The following HARBI1 variants were observed in gnomAD, a reference collection of about 807,000 sequenced individuals.
HARBI1 encodes harbinger transposase derived 1, also known as putative nuclease HARBI1.
HARBI1 carries 15 observed loss-of-function variants against 25.3 expected under a neutral mutation model. The observed-to-expected ratio is 0.59, with a 90% CI of 0.40 to 0.91. HARBI1 has a LOEUF of 0.91. Among genes scored for constraint, HARBI1 ranks in the 40% least tolerant of loss-of-function variants. HARBI1 has a pLI of 0.00. For missense variants in HARBI1, 396 were observed against 445.8 expected, an observed-to-expected ratio of 0.89 and a Z score of 1.01; for synonymous variants, 168 against 160.5, an observed-to-expected ratio of 1.05 and a Z score of -0.35.
chr11:46,603,898 AG>A lies in HARBI1; in HGVS notation c.681del (p.Phe228SerfsTer8). ...HKDSWLLGDS[S>X]FFLRTWLMTP... ...GTCATGAGCCAGGTTCGAAGAAAGAAGGAACTGTCACCTGTGGGGAAGGCCC... is the reference window on the plus strand; with the variant it reads ...GTCATGAGCCAGGTTCGAAGAAAGAAGAACTGTCACCTGTGGGGAAGGCCC... On this transcript the variant is annotated frameshift_variant, in exon 3 of 3. Transcript: ENST00000326737. LOFTEE classifies it high-confidence loss of function. The A allele has an allele frequency of 6.2e-7, 1 of 1,610,672 alleles. No homozygotes were observed. Among genetic ancestry groups the A allele is most frequent in the Non-Finnish European group, 8.5e-7 (1 of 1,177,834 alleles).
chr11:46,603,480 G>A lies in HARBI1; in HGVS notation c.*50C>T, dbSNP rs1300422167. On this transcript the variant is annotated 3_prime_UTR_variant, in exon 3 of 3. Coordinates refer to ENST00000326737, the MANE Select transcript of HARBI1 (RefSeq NM_173811.4). ...GAACTGTGTAAAAGGTGATGAGGAG[G>A]AAAGTCTGTCACAACTCCTGGGAAG... 4 of 1,500,658 alleles carry A rather than the reference G, an allele frequency of 2.7e-6. No homozygotes were observed. Among genetic ancestry groups the A allele is most frequent in the Non-Finnish European group, 3.6e-6 (4 of 1,110,656 alleles). 93.0% of individuals were successfully genotyped at this position (1,500,658 alleles called of 1,614,324 possible).
In HARBI1 at chr11:46,615,624, TG is replaced by T; in HGVS notation, c.613del (p.Gln205SerfsTer31). On this transcript the variant is annotated frameshift_variant, in exon 2 of 3. Transcript: ENST00000326737. LOFTEE classifies it high-confidence loss of function. Reference protein sequence around the residue: ...GSLQDCAVLQQSSLSSQFEAG... With the variant: ...GSLQDCAVLQXSSLSSQFEAG... ...TTCAAACTGACTACTGAGGGAAGACTGCTGCAGCACAGCACAGTCCTGTAGG... is the reference window on the plus strand; with the variant it reads ...TTCAAACTGACTACTGAGGGAAGACTCTGCAGCACAGCACAGTCCTGTAGG... 3.1e-6 allele frequency: 5 copies of T among 1,614,246 alleles called. No individual in the cohort carries two copies. The highest frequency in any genetic ancestry group is 4.2e-6 in the Non-Finnish European group (5 of 1,180,040).
chr11:46,613,623 T>C lies in HARBI1; in HGVS notation c.670+1945A>G, dbSNP rs571769170. On this transcript the variant is annotated intron_variant, in intron 2 of 2. Transcript: ENST00000326737. ...TCAGCCTCCCAAGTAGCTGGGATTATAGGCGCGCACCACCATGCCCTGATA... is the reference window on the plus strand; with the variant it reads ...TCAGCCTCCCAAGTAGCTGGGATTACAGGCGCGCACCACCATGCCCTGATA... Among the ~76,000 whole-genome samples the C allele has an allele frequency of 7.2e-5, 11 of 151,780 alleles. 1 individual carries two copies. In the South Asian group the frequency reaches 1.0e-3, roughly 14 times the overall value.
intron 2 of HARBI1, among the ~76,000 whole-genome samples, chr11:46,612,383 A>G (rs1040301943): frequency 1.3e-5 from 2 of 152,116 alleles, no homozygotes; most frequent in Admixed American, 6.6e-5. Flanking sequence ...TGCTCATATA[A>G]AAGTAGCACA....
chr11:46,613,789 TG>T (rs1403147619), intron 2 of HARBI1, among the ~76,000 whole-genome samples: 1 of 151,864 alleles, frequency 6.6e-6, no homozygotes, highest in East Asian at 1.9e-4. Flanking sequence ...AGCAGTATTT[TG>T]GCTTTATTTC....
chr11:46,614,964 G>A (rs1208070922), intron 2 of HARBI1, among the ~76,000 whole-genome samples: 2 of 152,128 alleles, frequency 1.3e-5, no homozygotes, highest in Non-Finnish European at 2.9e-5. Context: ...CCAGGCTAGA[G>A]TGCACTGGCG....
intron 1 of HARBI1, chr11:46,616,861 A>C (rs1354513459): frequency 5.3e-6 from 5 of 935,722 alleles, no homozygotes; most frequent in Non-Finnish European, 6.3e-6. Flanking sequence ...AAAAAAAAAA[A>C]ACAACCAAAG....
chr11:46,603,507 A>G lies in HARBI1; in HGVS notation c.*23T>C. On this transcript the variant is annotated 3_prime_UTR_variant, in exon 3 of 3. Transcript: ENST00000326737. ...AAGTCTGTCACAACTCCTGGGAAGT[A>G]TCCCTCCTCTCCACCTTCTACATTA... 1 of 1,549,280 alleles carries G rather than the reference A, an allele frequency of 6.5e-7. No individual in the cohort carries two copies. Among genetic ancestry groups the G allele is most frequent in the Non-Finnish European group, 8.7e-7 (1 of 1,144,678 alleles).
chr11:46,603,723 T>C lies in HARBI1; in HGVS notation c.857A>G (p.Glu286Gly), dbSNP rs774919964. 3.3e-5 allele frequency: 53 copies of C among 1,614,044 alleles called. 1 individual carries two copies. In the South Asian group the frequency reaches 5.3e-4, roughly 16 times the overall value. ...GGCCAAGATGATATGGCTGGATTTC[T>C]CTGGTGAGTACTGCAGTGCCCCCTT... ...GSKGALQYSPEKSSHIILACC... is the reference protein window; with the variant it reads ...GSKGALQYSPGKSSHIILACC... Residue 286 changes from glutamate to glycine, a missense_variant, in exon 3 of 3, where the codon GAG (glutamate) becomes GGG (glycine). Physicochemically the swap from Glu to Gly is moderately conservative, Grantham distance 98. Transcript: ENST00000326737.
At chr11:46,608,023 GTGC>G (rs1319434433) in intron 2 of HARBI1, among the ~76,000 whole-genome samples, 3 of 151,996 alleles carry the variant, frequency 2.0e-5, no homozygotes, top group Non-Finnish European at 4.4e-5. Flanking sequence ...AGGCGGCCAG[GTGC>G]AGGGCTTCAT....
At chr11:46,616,831 CAAAA>C (rs749013239) in intron 1 of HARBI1, 2,230 of 604,410 alleles carry the variant, frequency 3.7e-3, no homozygotes, top group Middle Eastern at 7.4e-3. Context: ...AAAGAAGGGG[CAAAA>C]AAAAAAAAAA....
Position 46,615,832 on chromosome 11 carries a change from AG to A in HARBI1, c.405del (p.Tyr136MetfsTer9), listed in dbSNP as rs1180772201. The A allele has an allele frequency of 6.2e-7, 1 of 1,614,252 alleles. No homozygotes were observed. Among genetic ancestry groups the A allele is most frequent in the East Asian group, 2.2e-5 (1 of 44,884 alleles). On this transcript the variant is annotated frameshift_variant, in exon 2 of 3. Coordinates refer to ENST00000326737, the MANE Select transcript of HARBI1 (RefSeq NM_173811.4). LOFTEE classifies it high-confidence loss of function. The stretch of plus-strand genomic sequence containing the variant: ...ACCCCTGGCATCCCTGCCAACCCAT[AG>A]AATTCATCCTTCAGAGCCTGAATGG... ...EASIQALKDE[F>X]YGLAGMPGVM...
intron 2 of HARBI1, among the ~76,000 whole-genome samples, chr11:46,612,822 C>G (rs2045234692): frequency 6.6e-6 from 1 of 151,418 alleles, no homozygotes; most frequent in South Asian, 2.1e-4. Flanking sequence ...AGGTGCCTGC[C>G]ACCACGCCCA....
At position 46,616,285 on chromosome 11, in the gene HARBI1, C is replaced by T; in HGVS notation, c.-48G>A. ...CCTCTTTGCTTTTTCTGAACTGTTC[C>T]CAATGAAGATGTTGGTGCAAGAACG... is the stretch of plus-strand genomic sequence containing the variant. On this transcript the variant is annotated 5_prime_UTR_variant, in exon 2 of 3. Transcript: ENST00000326737. 1 of 1,553,106 alleles carries T rather than the reference C, an allele frequency of 6.4e-7. No individual in the cohort carries two copies. Among genetic ancestry groups the T allele is most frequent in the South Asian group, 1.2e-5 (1 of 83,992 alleles).
intron 2 of HARBI1, chr11:46,604,670 G>T (rs1218348826): frequency 1.0e-6 from 1 of 984,974 alleles, no homozygotes; most frequent in South Asian, 4.7e-5. Flanking sequence ...TATTCTCCCA[G>T]TGCTAAGAAG....
chr11:46,617,548 C>CT (rs112588575), upstream of HARBI1: 1,701 of 248,756 alleles, frequency 6.8e-3, 159 homozygotes, highest in African/African-American at 0.048. Flanking sequence ...TCACCCCCCC[C>CT]CCCCGGCCAT....
chr11:46,615,554 A>C lies in HARBI1; in HGVS notation c.670+14T>G, dbSNP rs932450521. 6.2e-7 allele frequency: 1 copy of C among 1,605,584 alleles called. No homozygotes were observed. The highest frequency in any genetic ancestry group is 1.7e-5 in the Admixed American group (1 of 59,322). On this transcript the variant is annotated intron_variant, in intron 2 of 2. Coordinates refer to ENST00000326737, the MANE Select transcript of HARBI1 (RefSeq NM_173811.4). ...GCCTCCAAACAAAATGAAAATTCACACTTGCAAACTTACCCAGAAGCCAGC... is the reference window on the plus strand; with the variant it reads ...GCCTCCAAACAAAATGAAAATTCACCCTTGCAAACTTACCCAGAAGCCAGC...
In HARBI1 at chr11:46,607,066, A is replaced by T. The variant is rs573768882; in HGVS notation, c.671-3157T>A. On this transcript the variant is annotated intron_variant, in intron 2 of 2. Transcript: ENST00000326737. ...GATCACCTGAGGTCAGGAGTTTGAG[A>T]CCAGTCTGGTCAACACAGCAAAACC... is the stretch of plus-strand genomic sequence containing the variant. 7.2e-5 allele frequency among the ~76,000 whole-genome samples: 11 copies of T among 152,244 alleles called. No homozygotes were observed. The South Asian group carries it at 2.3e-3, about 32-fold the overall frequency.
chr11:46,613,136 T>C (rs1351058745), intron 2 of HARBI1, among the ~76,000 whole-genome samples: 1 of 151,644 alleles, frequency 6.6e-6, no homozygotes, highest in Non-Finnish European at 1.5e-5. Flanking sequence ...TGCGCCACCA[T>C]GTCCAGCTAA....
Sources: allele counts gnomAD v4.1 joint callset (sites outside exome capture counted in the v4.1 genomes callset), GRCh38; gene constraint gnomAD v4.1.1; transcripts MANE v1.5; gene names NCBI Gene and HGNC (gene_info 2026-07-23, HGNC 2026-07-21).